Variants in NCBP2 observed in about 807,000 individuals in gnomAD.
The protein encoded by NCBP2 is nuclear cap-binding protein subunit 2.
A neutral mutation model predicts 21.5 loss-of-function variants in NCBP2; 8 were observed. That is an observed-to-expected ratio of 0.37 (90% CI 0.22 to 0.67). The LOEUF (loss-of-function observed/expected upper bound fraction) is 0.67, where lower values mean the gene tolerates loss of function less well. NCBP2 is among the 30% of genes least tolerant of loss of function. The pLI is 0.56. For missense variants in NCBP2, 127 were observed against 206.9 expected (o/e 0.61, Z 2.37); for synonymous variants, 92 against 75.8 (o/e 1.21, Z -1.11).
At chr3:196,941,755 T>C in intron 1 of NCBP2, 4 of 614,276 alleles carry the variant, frequency 6.5e-6, no homozygotes, top group Non-Finnish European at 1.1e-5. Context: ...CTGCCTCCCC[T>C]TTTTCCACAA....
At chr3:196,939,041 G>T in intron 2 of NCBP2, 1 of 438,252 alleles carries the variant, frequency 2.3e-6, no homozygotes, top group Non-Finnish European at 4.0e-6. Flanking sequence ...AAACATTCTT[G>T]AAAAACTTTT....
At position 196,936,735 on chromosome 3, in the gene NCBP2, A is replaced by G; in HGVS notation, c.*276T>C. On this transcript the variant is annotated 3_prime_UTR_variant, in exon 4 of 4. Transcript: ENST00000321256. ...AGTGTAGTGGTTATGGCTAAAGACT[A>G]ATCAACATTACAGATCCAATCTGTT... The G allele has an allele frequency of 2.0e-6, 1 of 505,914 alleles. No individual in the cohort carries two copies. Among genetic ancestry groups the G allele is most frequent in the Non-Finnish European group, 3.6e-6 (1 of 281,236 alleles). 31.3% of individuals were successfully genotyped at this position (505,914 alleles called of 1,614,324 possible).
chr3:196,937,286 G>C (rs969178679), intron 3 of NCBP2: 10 of 774,140 alleles, frequency 1.3e-5, no homozygotes, highest in Non-Finnish European at 1.9e-5. Flanking sequence ...CCTAGCCCTA[G>C]CAGAAGTTCA....
intron 3 of NCBP2, 152 bp downstream of exon 3, chr3:196,937,358 A>G: frequency 8.4e-7 from 1 of 1,193,860 alleles, no homozygotes; most frequent in Admixed American, 2.6e-5. Flanking sequence ...AAAAAAATTC[A>G]CCCAAACCGT....
At chr3:196,941,194 G>C (rs1716538908) in intron 1 of NCBP2, 1 of 152,100 alleles carries the variant, frequency 6.6e-6, no homozygotes, top group African/African-American at 2.4e-5. Context: ...CCCGGTTCAA[G>C]CGATTCTCCT....
chr3:196,941,989 G>A (rs1349347635), intron 1 of NCBP2: 13 of 1,536,168 alleles, frequency 8.5e-6, no homozygotes, highest in East Asian at 2.4e-5. Flanking sequence ...AATCGCCGAA[G>A]GGCACTGCTT....
At position 196,939,251 on chromosome 3, in the gene NCBP2, T is replaced by G. The variant is rs771482269; in HGVS notation, c.260A>C (p.Glu87Ala). ...TACATTAGATCCATGGGAAGGATACTCCACAAAACAGAATCCACATGCTGT... is the reference window on the plus strand; with the variant it reads ...TACATTAGATCCATGGGAAGGATACGCCACAAAACAGAATCCACATGCTGT... ...KKTACGFCFV[E>A]YYSRADAENA... Residue 87 changes from glutamate to alanine, a missense_variant and splice_region_variant, in exon 2 of 4, where the codon GAA becomes GCA. Glu to Ala is a moderately radical substitution (Grantham distance 107). Coordinates refer to ENST00000321256, the MANE Select transcript of NCBP2 (RefSeq NM_007362.5). 1 of 1,612,584 alleles carries G rather than the reference T, an allele frequency of 6.2e-7. No individual in the cohort carries two copies. Among genetic ancestry groups the G allele is most frequent in the Admixed American group, 1.7e-5 (1 of 60,020 alleles).
At chr3:196,939,912 TTC>T (rs1553831240) in intron 1 of NCBP2, 12 of 153,050 alleles carry the variant, frequency 7.8e-5, no homozygotes, top group Non-Finnish European at 1.5e-4. Context: ...TCATAGATCT[TTC>T]TCTGAGTTTA....
At chr3:196,942,370 C>T (rs777432483) in intron 1 of NCBP2, 56 bp downstream of exon 1, 5 of 1,584,110 alleles carry the variant, frequency 3.2e-6, no homozygotes, top group African/African-American at 1.3e-5. Context: ...AAGAGCAAAC[C>T]GTTTCTCAGC....
Position 196,937,508 on chromosome 3 carries a change from AC to A in NCBP2, c.399+1del. The A allele has an allele frequency of 6.2e-7, 1 of 1,614,026 alleles. No homozygotes were observed. The highest frequency in any genetic ancestry group is 8.5e-7 in the Non-Finnish European group (1 of 1,180,016). On this transcript the variant is annotated splice_donor_variant, in intron 3 of 3. Coordinates refer to ENST00000321256, the MANE Select transcript of NCBP2 (RefSeq NM_007362.5). LOFTEE classifies it high-confidence loss of function. Reference sequence around the variant, plus strand: ...CTGAGCCCAGAGACCCTTCTTGCATACCTGGCCCCCAGATCGCCCACGGCCG... The same window carrying A: ...CTGAGCCCAGAGACCCTTCTTGCATACTGGCCCCCAGATCGCCCACGGCCG...
At chr3:196,937,945 C>G in intron 2 of NCBP2, 1 of 342,350 alleles carries the variant, frequency 2.9e-6, no homozygotes, top group Non-Finnish European at 5.6e-6. Context: ...CACTTCTTAT[C>G]CAAGAAACCA....
chr3:196,941,946 T>G (rs1055477207), intron 1 of NCBP2: 5 of 1,536,146 alleles, frequency 3.3e-6, no homozygotes, highest in Admixed American at 2.0e-5. Context: ...GCGTACAGCT[T>G]CCGTAACACC....
intron 1 of NCBP2, chr3:196,941,713 G>A (rs995148651): frequency 4.5e-6 from 2 of 447,620 alleles, no homozygotes; most frequent in Non-Finnish European, 8.1e-6. Flanking sequence ...CCCTACCTCC[G>A]CTGATACTGA....
At chr3:196,942,153 C>T (rs1452636584) in intron 1 of NCBP2, 8 of 1,463,172 alleles carry the variant, frequency 5.5e-6, no homozygotes, top group African/African-American at 2.8e-5. Flanking sequence ...ACCACCACCG[C>T]TCAAACCTCT....
chr3:196,937,310 G>T, intron 3 of NCBP2, 200 bp downstream of exon 3: 1 of 825,274 alleles, frequency 1.2e-6, no homozygotes, highest in Non-Finnish European at 1.9e-6. Flanking sequence ...ATGGTTGCTT[G>T]TTAGAAACGT....
chr3:196,936,823 G>T lies in NCBP2; in HGVS notation c.*188C>A. On this transcript the variant is annotated 3_prime_UTR_variant, in exon 4 of 4. Coordinates refer to ENST00000321256, the MANE Select transcript of NCBP2 (RefSeq NM_007362.5). Reference sequence around the variant, plus strand: ...TTCTGATAATCTGACACATGGCCAAGATTCTCAGACAAGAATTAAAGGCAT... The same window carrying T: ...TTCTGATAATCTGACACATGGCCAATATTCTCAGACAAGAATTAAAGGCAT... 1.7e-6 allele frequency: 1 copy of T among 600,670 alleles called. No homozygotes were observed. 37.2% of individuals were successfully genotyped at this position (600,670 alleles called of 1,614,324 possible).
chr3:196,942,047 G>A lies in NCBP2; in HGVS notation c.78+379C>T, dbSNP rs1350820899. 4.6e-6 allele frequency: 7 copies of A among 1,534,648 alleles called. No homozygotes were observed. The African/African-American group carries it at 6.9e-5, about 15-fold the overall frequency. The stretch of plus-strand genomic sequence containing the variant: ...AAAAGCCCCGCATCTGCATCAGGAA[G>A]GCGCCTCTGCCTACTCTGGGAGAGA... On this transcript the variant is annotated intron_variant, in intron 1 of 3. Transcript: ENST00000321256.
chr3:196,936,924 A>G lies in NCBP2; in HGVS notation c.*87T>C, dbSNP rs1716291221. The G allele has an allele frequency of 8.1e-7, 1 of 1,230,640 alleles. No individual in the cohort carries two copies. Among genetic ancestry groups the G allele is most frequent in the African/African-American group, 1.5e-5 (1 of 67,236 alleles). The allele number at this position is 1,230,640 out of a possible 1,614,324, so 76.2% of individuals were successfully genotyped here. ...AGACACTGATCAAATCTTGGTAAAA[A>G]TGGGCTCGTGTGCAGACTTTAGGTG... On this transcript the variant is annotated 3_prime_UTR_variant, in exon 4 of 4. Coordinates refer to ENST00000321256, the MANE Select transcript of NCBP2 (RefSeq NM_007362.5).
intron 1 of NCBP2, chr3:196,941,477 CCA>C (rs1192495873): frequency 1.7e-5 from 3 of 171,664 alleles, no homozygotes; most frequent in African/African-American, 4.8e-5. Context: ...CACACATTCT[CCA>C]CACTTACCCT....
Sources: gnomAD v4.1 joint callset for allele counts on GRCh38, gnomAD v4.1.1 for gene constraint, MANE v1.5 for transcripts, NCBI Gene and HGNC (gene_info 2026-07-23, HGNC 2026-07-21) for gene names.